FSTL4: variants seen among roughly 807,000 people sequenced by gnomAD.
FSTL4 encodes the protein follistatin-related protein 4.
FSTL4 carries 28 observed loss-of-function variants against 78.2 expected under a neutral mutation model. That is an observed-to-expected ratio of 0.36 (90% CI 0.27 to 0.49). The LOEUF (loss-of-function observed/expected upper bound fraction) is 0.49, where lower values mean the gene tolerates loss of function less well. Among genes scored for constraint, FSTL4 ranks in the 20% least tolerant of loss-of-function variants. The probability of loss-of-function intolerance (pLI) is 0.98; values close to 1 mark genes in which losing one functional copy is unlikely to be tolerated. For missense variants in FSTL4, 922 were observed against 1,084.9 expected (o/e 0.85, Z 2.11); for synonymous variants, 422 against 440.5 (o/e 0.96, Z 0.53).
In FSTL4 at chr5:133,426,477, G is replaced by A. The variant is rs1756819491; in HGVS notation, c.161-25491C>T. 1.3e-5 allele frequency among the ~76,000 whole-genome samples: 2 copies of A among 152,188 alleles called. No homozygotes were observed. ...GAGAATGTCATGAAGTTGGTCTCCA[G>A]ACAGAGATCATTAGGAAGAGACTAA... On this transcript the variant is annotated intron_variant, in intron 3 of 15. Coordinates refer to ENST00000265342, the MANE Select transcript of FSTL4 (RefSeq NM_015082.2). The surrounding 1 kb of genome is among the most constrained non-coding windows in gnomAD (Gnocchi z 5.0).
At chr5:133,674,517 A>G in the FSTL4 span, among the ~76,000 whole-genome samples, 1 of 152,226 alleles carries the variant, frequency 6.6e-6, no homozygotes, top group Non-Finnish European at 1.5e-5. Context: ...TTTAGATCCC[A>G]TTAAGATGAA....
the FSTL4 span, among the ~76,000 whole-genome samples, chr5:133,690,285 G>A: frequency 6.6e-6 from 1 of 152,048 alleles, no homozygotes; most frequent in Non-Finnish European, 1.5e-5. Context: ...CTATCTGCCT[G>A]CCCAGCCTTC....
intron 13 of FSTL4, among the ~76,000 whole-genome samples, chr5:133,212,391 A>G (rs1013093322): frequency 6.6e-6 from 1 of 152,240 alleles, no homozygotes; most frequent in African/African-American, 2.4e-5. Flanking sequence ...CAGCAAGGCT[A>G]TGGCAGCCAA....
chr5:133,718,447 C>T, the FSTL4 span, among the ~76,000 whole-genome samples: 1 of 152,266 alleles, frequency 6.6e-6, no homozygotes, highest in African/African-American at 2.4e-5. Context: ...TATTTTTACT[C>T]ATGCATAGGT....
chr5:133,626,452 C>A, the FSTL4 span, among the ~76,000 whole-genome samples: 1 of 147,426 alleles, frequency 6.8e-6, no homozygotes, highest in African/African-American at 2.5e-5. Context: ...ATTCACCTGC[C>A]TCAGTCTCCC....
the FSTL4 span, among the ~76,000 whole-genome samples, chr5:133,771,925 G>A: frequency 3.3e-5 from 5 of 152,064 alleles, no homozygotes; most frequent in South Asian, 2.1e-4. Context: ...TCATTATACT[G>A]TTTTCAAATG....
intron 4 of FSTL4, among the ~76,000 whole-genome samples, chr5:133,358,738 T>A (rs1488104757): frequency 6.6e-6 from 1 of 152,012 alleles, no homozygotes; most frequent in Non-Finnish European, 1.5e-5. Flanking sequence ...TAGCTGGGAT[T>A]ACAGGCGCCC....
intron 7 of FSTL4, among the ~76,000 whole-genome samples, chr5:133,234,938 T>C (rs1277363947): frequency 6.6e-6 from 1 of 152,208 alleles, no homozygotes; most frequent in African/African-American, 2.4e-5. Context: ...AAAACTCCTC[T>C]TGACCCCTGG....
At chr5:133,814,495 G>A in the FSTL4 span, among the ~76,000 whole-genome samples, 1 of 152,266 alleles carries the variant, frequency 6.6e-6, no homozygotes, top group Non-Finnish European at 1.5e-5. Flanking sequence ...GGTCACACTG[G>A]AAATAAGATG....
chr5:133,206,669 CAA>C (rs1368969754), intron 14 of FSTL4, among the ~76,000 whole-genome samples: 1 of 152,126 alleles, frequency 6.6e-6, no homozygotes, highest in Non-Finnish European at 1.5e-5. Context: ...GCCTATTTTT[CAA>C]GTCTTTTCAT....
the FSTL4 span, among the ~76,000 whole-genome samples, chr5:133,656,779 G>A: frequency 2.0e-5 from 3 of 152,162 alleles, no homozygotes; most frequent in Admixed American, 6.5e-5. Context: ...TTTGATTTGT[G>A]TCTTTAAAAG....
At chr5:133,411,069 G>A (rs2126979788) in intron 3 of FSTL4, among the ~76,000 whole-genome samples, 2 of 152,210 alleles carry the variant, frequency 1.3e-5, no homozygotes, top group East Asian at 3.9e-4. Context: ...GGAGACCAGG[G>A]GTCTCCACTG....
intron 4 of FSTL4, among the ~76,000 whole-genome samples, chr5:133,349,295 C>CTCTCTCTGTGTGTGTG (rs11269337): frequency 7.2e-6 from 1 of 139,682 alleles, no homozygotes; most frequent in African/African-American, 2.7e-5. Flanking sequence ...GCCTCTCTCT[C>CTCTCTCTGTGTGTGTG]TGTGTGTGTG....
chr5:133,712,825 CTGGAGGG>C, the FSTL4 span, among the ~76,000 whole-genome samples: 1 of 152,198 alleles, frequency 6.6e-6, no homozygotes, highest in African/African-American at 2.4e-5. Flanking sequence ...TGTGTGGCAT[CTGGAGGG>C]TCAGGAGGGA....
At chr5:133,399,094 A>G (rs1053165546) in intron 4 of FSTL4, among the ~76,000 whole-genome samples, 2 of 152,148 alleles carry the variant, frequency 1.3e-5, no homozygotes, top group African/African-American at 4.8e-5. Context: ...TGAATAACCA[A>G]TGGTGAGGGA....
chr5:133,415,725 A>G lies in FSTL4; in HGVS notation c.161-14739T>C, dbSNP rs1308096632. Among the ~76,000 whole-genome samples, 3 of 152,130 alleles carry G rather than the reference A, an allele frequency of 2.0e-5. No individual in the cohort carries two copies. The East Asian group carries it at 5.8e-4, about 29-fold the overall frequency. On this transcript the variant is annotated intron_variant, in intron 3 of 15. Coordinates refer to ENST00000265342, the MANE Select transcript of FSTL4 (RefSeq NM_015082.2). Reference sequence around the variant, plus strand: ...GGGATTAGGTGCAGGAAGGTGGCTGAGTGGTGCGGCAGCGTGGCAGGGGCA... The same window carrying G: ...GGGATTAGGTGCAGGAAGGTGGCTGGGTGGTGCGGCAGCGTGGCAGGGGCA...
intron 4 of FSTL4, chr5:133,388,539 G>C (rs546378198): frequency 6.6e-6 from 1 of 151,560 alleles, no homozygotes; most frequent in Non-Finnish European, 1.5e-5. Context: ...TGGGCAAGCC[G>C]GTCAGCTGAA....
the FSTL4 span, among the ~76,000 whole-genome samples, chr5:133,733,319 G>A: frequency 6.6e-6 from 1 of 152,104 alleles, no homozygotes; most frequent in Non-Finnish European, 1.5e-5. Context: ...ATTCAAAAAT[G>A]TTGCCCGACC....
the FSTL4 span, among the ~76,000 whole-genome samples, chr5:133,785,988 G>T: frequency 2.6e-5 from 4 of 152,182 alleles, no homozygotes; most frequent in Non-Finnish European, 5.9e-5. Context: ...TGAGGACCCT[G>T]AAGTTAAAGT....
Sources: allele counts gnomAD v4.1 joint callset (sites outside exome capture counted in the v4.1 genomes callset), GRCh38; gene constraint gnomAD v4.1.1; non-coding constraint Gnocchi (gnomAD v3.1); transcripts MANE v1.5; gene names NCBI Gene and HGNC (gene_info 2026-07-23, HGNC 2026-07-21).